TMCC1: variants seen among roughly 807,000 people sequenced by gnomAD.
TMCC1 encodes the protein transmembrane and coiled-coil domains protein 1.
In TMCC1, 15 loss-of-function variants were observed where a neutral mutation model predicts 52.4. That is an observed-to-expected ratio of 0.29 (90% CI 0.19 to 0.44). TMCC1 has a LOEUF of 0.44. Among genes scored for constraint, TMCC1 ranks in the 20% least tolerant of loss-of-function variants. TMCC1 has a pLI of 1.00. For missense variants in TMCC1, 503 were observed against 806.0 expected, an observed-to-expected ratio of 0.62 and a Z score of 4.55; for synonymous variants, 279 against 301.9, an observed-to-expected ratio of 0.92 and a Z score of 0.79.
intron 4 of TMCC1, among the ~76,000 whole-genome samples, chr3:129,748,282 A>G (rs1277506625): frequency 6.6e-6 from 1 of 151,898 alleles, no homozygotes; most frequent in Non-Finnish European, 1.5e-5. Flanking sequence ...AATGGATGAG[A>G]TTTGGGTTTT....
intron 4 of TMCC1, among the ~76,000 whole-genome samples, chr3:129,692,551 G>A (rs1203520222): frequency 6.6e-6 from 1 of 152,100 alleles, no homozygotes; most frequent in Admixed American, 6.6e-5. Context: ...TTGTTAAGAA[G>A]GTGTTAAAGA....
At chr3:129,778,096 G>A (rs1253749317) in intron 4 of TMCC1, among the ~76,000 whole-genome samples, 1 of 152,138 alleles carries the variant, frequency 6.6e-6, no homozygotes, top group Non-Finnish European at 1.5e-5. Flanking sequence ...CTAACAGACT[G>A]CTAGTTCTTT....
intron 4 of TMCC1, among the ~76,000 whole-genome samples, chr3:129,826,229 C>T (rs2058651503): frequency 6.6e-6 from 1 of 151,364 alleles, no homozygotes; most frequent in South Asian, 2.1e-4. Flanking sequence ...AGGCTGGACA[C>T]GGTGGCTCAT....
chr3:129,852,103 T>C (rs1188667707), intron 2 of TMCC1, among the ~76,000 whole-genome samples: 3 of 152,162 alleles, frequency 2.0e-5, no homozygotes, highest in Non-Finnish European at 2.9e-5. Flanking sequence ...CAGTGAGCCC[T>C]GATTGTGCCA....
intron 4 of TMCC1, among the ~76,000 whole-genome samples, chr3:129,781,157 C>A (rs1348138521): frequency 6.6e-6 from 1 of 152,140 alleles, no homozygotes; most frequent in Non-Finnish European, 1.5e-5. Context: ...CTTATCTAAA[C>A]CAGTCTAAAA....
At chr3:129,841,108 T>C (rs2059405232) in intron 2 of TMCC1, among the ~76,000 whole-genome samples, 1 of 152,088 alleles carries the variant, frequency 6.6e-6, no homozygotes, top group Non-Finnish European at 1.5e-5. Context: ...AAGATGGAGA[T>C]GAGAAACTTA....
At chr3:129,722,610 C>A (rs1243872505) in intron 4 of TMCC1, among the ~76,000 whole-genome samples, 1 of 152,120 alleles carries the variant, frequency 6.6e-6, no homozygotes, top group South Asian at 2.1e-4. Context: ...ATGCCCTCCC[C>A]CACCTGACTA....
chr3:129,779,649 G>C (rs1366504718), intron 4 of TMCC1, among the ~76,000 whole-genome samples: 2 of 152,022 alleles, frequency 1.3e-5, no homozygotes, highest in African/African-American at 4.8e-5. Context: ...AGATCAAGAG[G>C]CCTCAAGAAA....
intron 4 of TMCC1, among the ~76,000 whole-genome samples, chr3:129,781,965 G>A (rs1172586274): frequency 1.3e-5 from 2 of 152,064 alleles, no homozygotes; most frequent in Non-Finnish European, 2.9e-5. Flanking sequence ...ATAAGAAAGA[G>A]GCATCGCAGA....
In TMCC1 at chr3:129,671,186, C is replaced by G; in HGVS notation, c.655G>C (p.Asp219His). 6.2e-7 allele frequency: 1 copy of G among 1,614,142 alleles called. No individual in the cohort carries two copies. Among genetic ancestry groups the G allele is most frequent in the Non-Finnish European group, 8.5e-7 (1 of 1,180,030 alleles). Residue 219 changes from aspartate to histidine, a missense_variant, in exon 5 of 7, where the codon GAC (aspartate) becomes CAC (histidine). This residue lies in a region of TMCC1 where 217 missense variants were observed against 297.9 expected (regional missense o/e 0.73). Coordinates refer to ENST00000393238, the MANE Select transcript of TMCC1 (RefSeq NM_001017395.5). ...ASSTDGSIHT[D>H]SVDGTPDPQR... ...GGGTCTGGTGTTCCATCCACAGAGT[C>G]TGTGTGGATGCTGCCATCGGTACTG...
chr3:129,834,788 C>A (rs1320052036), intron 2 of TMCC1, among the ~76,000 whole-genome samples: 1 of 152,160 alleles, frequency 6.6e-6, no homozygotes, highest in African/African-American at 2.4e-5. Flanking sequence ...ACCATTGCGA[C>A]AGATGCTAAA....
chr3:129,778,822 C>T (rs920408730), intron 4 of TMCC1, among the ~76,000 whole-genome samples: 6 of 152,060 alleles, frequency 3.9e-5, no homozygotes, highest in African/African-American at 1.4e-4. Context: ...CCCCTTCTGC[C>T]GTGATTGTAA....
At chr3:129,792,068 GT>G (rs2056505241) in intron 4 of TMCC1, among the ~76,000 whole-genome samples, 1 of 151,818 alleles carries the variant, frequency 6.6e-6, no homozygotes, top group South Asian at 2.1e-4. Context: ...ACAGGAAATT[GT>G]TTTTAAAACT....
chr3:129,787,130 T>A (rs984564488), intron 4 of TMCC1, among the ~76,000 whole-genome samples: 2 of 152,208 alleles, frequency 1.3e-5, no homozygotes, highest in Admixed American at 1.3e-4. Context: ...ATATGTTTTA[T>A]ATCACAAAGG....
chr3:129,754,649 T>C (rs2052830219), intron 4 of TMCC1, among the ~76,000 whole-genome samples: 1 of 152,240 alleles, frequency 6.6e-6, no homozygotes, highest in Non-Finnish European at 1.5e-5. Flanking sequence ...ATGGAAAATT[T>C]GTATGTCAAT....
At chr3:129,781,493 T>C (rs563023678) in intron 4 of TMCC1, among the ~76,000 whole-genome samples, 1 of 152,154 alleles carries the variant, frequency 6.6e-6, no homozygotes, top group Non-Finnish European at 1.5e-5. Flanking sequence ...CTCAGAACGG[T>C]TGTATATAGC....
chr3:129,714,106 G>A (rs559785714), intron 4 of TMCC1, among the ~76,000 whole-genome samples: 2 of 152,286 alleles, frequency 1.3e-5, no homozygotes, highest in Admixed American at 6.5e-5. Context: ...GGAAGAAAGC[G>A]ACATCACCTT....
chr3:129,749,396 C>G (rs2052293243), intron 4 of TMCC1, among the ~76,000 whole-genome samples: 1 of 152,022 alleles, frequency 6.6e-6, no homozygotes, highest in Admixed American at 6.6e-5. Flanking sequence ...TAAAATCCTT[C>G]TTGCCAAATG....
At chr3:129,760,560 C>CAAGG (rs1560353544) in intron 4 of TMCC1, among the ~76,000 whole-genome samples, 1 of 151,348 alleles carries the variant, frequency 6.6e-6, no homozygotes, top group Non-Finnish European at 1.5e-5. Flanking sequence ...TCACTACAAG[C>CAAGG]TCCGCCTCCC....
Sources: allele counts gnomAD v4.1 joint callset (sites outside exome capture counted in the v4.1 genomes callset), GRCh38; gene constraint gnomAD v4.1.1; regional missense constraint gnomAD v4.1.1; transcripts MANE v1.5; gene names NCBI Gene and HGNC (gene_info 2026-07-23, HGNC 2026-07-21).